DDAH1: variants seen among roughly 807,000 people sequenced by gnomAD.
DDAH1 encodes dimethylarginine dimethylaminohydrolase 1.
In DDAH1, 19 loss-of-function variants were observed where a neutral mutation model predicts 28.8. The observed-to-expected ratio is 0.66, with a 90% confidence interval of 0.46 to 0.97. The LOEUF is 0.97. Among genes scored for constraint, DDAH1 ranks in the 50% least tolerant of loss-of-function variants. The pLI is 0.00. For missense variants in DDAH1, 326 were observed against 375.9 expected (o/e 0.87, Z 1.10); for synonymous variants, 153 against 154.4 (o/e 0.99, Z 0.07).
At chr1:85,330,082 A>G (rs188109251) in intron 4 of DDAH1, among the ~76,000 whole-genome samples, 2 of 152,350 alleles carry the variant, frequency 1.3e-5, no homozygotes, top group Admixed American at 1.3e-4. Context: ...ATTTATTTGT[A>G]GCTGGGTTTA....
At chr1:85,351,785 T>C (rs1185692432) in intron 2 of DDAH1, among the ~76,000 whole-genome samples, 1 of 152,016 alleles carries the variant, frequency 6.6e-6, no homozygotes, top group Non-Finnish European at 1.5e-5. Context: ...GAAAGCAGGA[T>C]GGTGGTTTCC....
intron 1 of DDAH1, among the ~76,000 whole-genome samples, chr1:85,460,905 T>C (rs1655096071): frequency 6.6e-6 from 1 of 152,234 alleles, no homozygotes; most frequent in African/African-American, 2.4e-5. Context: ...CACCCTGTTA[T>C]TTCTCCTACA....
At chr1:85,456,108 T>C (rs983784984) in intron 1 of DDAH1, among the ~76,000 whole-genome samples, 13 of 148,334 alleles carry the variant, frequency 8.8e-5, no homozygotes, top group African/African-American at 3.2e-4. Flanking sequence ...AAAAAAAAAA[T>C]CCCTCAGCTA....
chr1:85,509,428 C>T (rs770511637), intron 1 of DDAH1, among the ~76,000 whole-genome samples: 1 of 152,192 alleles, frequency 6.6e-6, no homozygotes, highest in Non-Finnish European at 1.5e-5. Flanking sequence ...AGTACCTATT[C>T]TCCTCCAAAG....
intron 4 of DDAH1, among the ~76,000 whole-genome samples, chr1:85,346,461 G>A (rs749033565): frequency 4.6e-5 from 7 of 152,132 alleles, no homozygotes; most frequent in Non-Finnish European, 7.3e-5. Flanking sequence ...ACCAATCTAT[G>A]GCAAAATAAT....
chr1:85,391,564 A>T (rs1651551068), intron 1 of DDAH1, among the ~76,000 whole-genome samples: 1 of 152,230 alleles, frequency 6.6e-6, no homozygotes, highest in Non-Finnish European at 1.5e-5. Flanking sequence ...ACTAATACAC[A>T]TATTGGTGAG....
At chr1:85,556,723 A>G (rs1479870873) in intron 1 of DDAH1, among the ~76,000 whole-genome samples, 2 of 152,238 alleles carry the variant, frequency 1.3e-5, no homozygotes, top group African/African-American at 4.8e-5. Flanking sequence ...CACGTATAAC[A>G]AGAATCAATG....
rs540374848 is a variant in DDAH1, at chr1:85,503,497, C to T, written c.-122-7216G>A. The stretch of plus-strand genomic sequence containing the variant: ...GAATACAGGCATAAGCCACTGCACC[C>T]GGCTGATGTTCTTTAAAGTTCATCT... On this transcript the variant is annotated intron_variant, in intron 1 of 6. Coordinates refer to the DDAH1 transcript ENST00000426972. Among the ~76,000 whole-genome samples the T allele has an allele frequency of 3.3e-4, 50 of 152,064 alleles. 1 individual carries two copies. In the South Asian group the frequency reaches 4.8e-3, roughly 15 times the overall value.
Position 85,537,354 on chromosome 1 carries a change from A to T in DDAH1, c.-123+40630T>A, listed in dbSNP as rs6681113. On this transcript the variant is annotated intron_variant, in intron 1 of 6. Transcript: ENST00000426972. The stretch of plus-strand genomic sequence containing the variant: ...GTCTCAAAAATAATAATAATAATAA[A>T]AAAAAATCCTGTAACATGCAACAAC... Among the ~76,000 whole-genome samples, 318 of 151,580 alleles carry T rather than the reference A, an allele frequency of 2.1e-3. 1 individual carries two copies. Among genetic ancestry groups the T allele is most frequent in the Middle Eastern group, 3.4e-3 (1 of 294 alleles).
At chr1:85,409,092 C>T (rs1652530242) in intron 1 of DDAH1, among the ~76,000 whole-genome samples, 1 of 152,208 alleles carries the variant, frequency 6.6e-6, no homozygotes, top group Non-Finnish European at 1.5e-5. Flanking sequence ...CAGCCGAACA[C>T]AAATTCACAA....
At chr1:85,445,919 C>G (rs1315902988) in intron 1 of DDAH1, among the ~76,000 whole-genome samples, 1 of 152,094 alleles carries the variant, frequency 6.6e-6, no homozygotes, top group Non-Finnish European at 1.5e-5. Context: ...CATTTTAAAG[C>G]CAAATGAAGC....
At chr1:85,396,518 A>G (rs1651821245) in intron 1 of DDAH1, among the ~76,000 whole-genome samples, 1 of 152,174 alleles carries the variant, frequency 6.6e-6, no homozygotes, top group Admixed American at 6.5e-5. Context: ...ATCCATCCCC[A>G]TGACCCAAAC....
chr1:85,375,145 T>G (rs1212789754), intron 1 of DDAH1, among the ~76,000 whole-genome samples: 2 of 152,158 alleles, frequency 1.3e-5, no homozygotes, highest in Non-Finnish European at 2.9e-5. Flanking sequence ...AATATTTAGC[T>G]GCCAAAAAGA....
intron 2 of DDAH1, among the ~76,000 whole-genome samples, chr1:85,481,134 G>C (rs1052783140): frequency 2.8e-5 from 2 of 72,212 alleles, no homozygotes; most frequent in East Asian, 9.2e-4. Context: ...GTCTTGCTTT[G>C]TCGCCCAAGC....
At chr1:85,416,201 T>G (rs577299219) in intron 1 of DDAH1, among the ~76,000 whole-genome samples, 14 of 152,318 alleles carry the variant, frequency 9.2e-5, no homozygotes, top group African/African-American at 2.9e-4. Flanking sequence ...ATCACAGTCT[T>G]TGTGTGACTG....
chr1:85,518,863 A>AT (rs1205092869), intron 1 of DDAH1, among the ~76,000 whole-genome samples: 1 of 152,102 alleles, frequency 6.6e-6, no homozygotes, highest in African/African-American at 2.4e-5. Context: ...TTGACATATA[A>AT]TTGTTGTGAC....
intron 1 of DDAH1, among the ~76,000 whole-genome samples, chr1:85,574,609 A>C (rs879683047): frequency 7.9e-5 from 12 of 152,190 alleles, no homozygotes; most frequent in Admixed American, 1.3e-4. Context: ...CACTTCTGCA[A>C]TATGCCTTAC....
At chr1:85,349,109 C>T (rs1649041919) in intron 4 of DDAH1, among the ~76,000 whole-genome samples, 2 of 152,180 alleles carry the variant, frequency 1.3e-5, no homozygotes, top group Non-Finnish European at 2.9e-5. Context: ...TCTTTCAAGA[C>T]ACCAGCTTTT....
At chr1:85,370,012 A>G (rs552353510) in intron 1 of DDAH1, among the ~76,000 whole-genome samples, 7 of 152,354 alleles carry the variant, frequency 4.6e-5, no homozygotes, top group African/African-American at 1.7e-4. Flanking sequence ...GCTAAAATGA[A>G]GAGGGCAAGT....
Sources: gnomAD v4.1 joint callset for allele counts (sites outside exome capture counted in the v4.1 genomes callset) on GRCh38, gnomAD v4.1.1 for gene constraint, MANE v1.5 for transcripts, NCBI Gene and HGNC (gene_info 2026-07-23, HGNC 2026-07-21) for gene names.